Variants in GSN observed in about 807,000 individuals in gnomAD.
GSN encodes gelsolin.
In GSN, 56 loss-of-function variants were observed where a neutral mutation model predicts 85.7. That is an observed-to-expected ratio of 0.65 (90% CI 0.53 to 0.82). The LOEUF is 0.82. GSN is among the 40% of genes least tolerant of loss of function. GSN has a pLI of 0.00. For missense variants in GSN, 857 were observed against 979.8 expected (o/e 0.87, Z 1.67); for synonymous variants, 373 against 399.1 (o/e 0.93, Z 0.78).
upstream of GSN, among the ~76,000 whole-genome samples, chr9:121,206,416 TA>T (rs2053882372): frequency 6.6e-6 from 1 of 152,214 alleles, no homozygotes; most frequent in Admixed American, 6.5e-5. Flanking sequence ...AGATTCAACT[TA>T]TCACACTAAA....
intron 11 of GSN, among the ~76,000 whole-genome samples, chr9:121,323,839 C>G (rs1360899383): frequency 3.3e-5 from 5 of 152,138 alleles, no homozygotes; most frequent in Non-Finnish European, 2.9e-5. Flanking sequence ...GAATGTCTCT[C>G]AATTTGACAA....
intron 4 of GSN, among the ~76,000 whole-genome samples, chr9:121,214,813 C>T (rs2054030470): frequency 1.3e-5 from 2 of 152,152 alleles, no homozygotes; most frequent in South Asian, 2.1e-4. Context: ...GATGGATGAG[C>T]GATGCCATCT....
At chr9:121,265,649 A>T (rs1410181835), upstream of GSN, 1 of 152,180 alleles carries the variant, frequency 6.6e-6, no homozygotes, top group African/African-American at 2.4e-5. Flanking sequence ...TGTGGCCTTC[A>T]TTTCTCCCCA....
intron 4 of GSN, chr9:121,308,942 G>A (rs1006631359): frequency 1.3e-5 from 2 of 152,258 alleles, no homozygotes; most frequent in African/African-American, 4.8e-5. Flanking sequence ...TGCCCTCCTC[G>A]AGTCTGTGCG....
chr9:121,253,570 TATATG>T (rs1364950199), intron 6 of GSN, among the ~76,000 whole-genome samples: 4 of 152,170 alleles, frequency 2.6e-5, no homozygotes, highest in Non-Finnish European at 5.9e-5. Flanking sequence ...ATCTCGAAGT[TATATG>T]GTATGAGTGG....
intron 2 of GSN, among the ~76,000 whole-genome samples, chr9:121,291,618 C>T (rs1309231377): frequency 6.6e-6 from 1 of 152,014 alleles, no homozygotes; most frequent in Non-Finnish European, 1.5e-5. Context: ...TGGGGTTTCA[C>T]CATGTTAGCC....
chr9:121,252,801 G>A (rs4837824), intron 6 of GSN, among the ~76,000 whole-genome samples: 1 of 152,220 alleles, frequency 6.6e-6, no homozygotes, highest in East Asian at 1.9e-4. Context: ...TTTCGGGGGG[G>A]CAATTTGTTA....
intron 4 of GSN, among the ~76,000 whole-genome samples, chr9:121,230,203 T>C (rs61227079): frequency 2.3e-3 from 344 of 152,314 alleles, no homozygotes; most frequent in African/African-American, 8.0e-3. Context: ...GTACCAGATA[T>C]TCCAGGCTCA....
intron 4 of GSN, among the ~76,000 whole-genome samples, chr9:121,217,978 A>G (rs986939584): frequency 1.3e-5 from 2 of 152,038 alleles, no homozygotes; most frequent in African/African-American, 2.4e-5. Flanking sequence ...TCTCTTTTAC[A>G]TAAGTACGAT....
rs372449798 is a variant in GSN at position 121,303,625 on chromosome 9, C to G, written c.351+560C>G. On this transcript the variant is annotated intron_variant, in intron 4 of 17. Transcript: ENST00000432226. ...AACTGGGAGCTCCAAGAGGCTGCACCCTAATATGCTGGTGACTTCCTGCAA... is the reference window on the plus strand; with the variant it reads ...AACTGGGAGCTCCAAGAGGCTGCACGCTAATATGCTGGTGACTTCCTGCAA... Among the ~76,000 whole-genome samples, 5 of 152,056 alleles carry G rather than the reference C, an allele frequency of 3.3e-5. No individual in the cohort carries two copies. The East Asian group carries it at 7.7e-4, about 23-fold the overall frequency.
intron 7 of GSN, among the ~76,000 whole-genome samples, chr9:121,314,538 C>T (rs306759): frequency 0.83 from 126,248 of 152,200 alleles, 52,558 homozygotes; most frequent in East Asian, 0.99. Context: ...ATCACACTTA[C>T]GTTGTGCCCC....
At chr9:121,286,164 C>G (rs1564424582) in intron 2 of GSN, 4 of 1,535,082 alleles carry the variant, frequency 2.6e-6, no homozygotes, top group Non-Finnish European at 3.5e-6. Context: ...AAGAAGCCCT[C>G]AGGGGCAATT....
chr9:121,239,119 C>T, intron 5 of GSN: 1 of 355,644 alleles, frequency 2.8e-6, no homozygotes, highest in East Asian at 7.0e-5. Context: ...TTCTCCTCGA[C>T]CTGCATGTTC....
At chr9:121,254,760 T>C (rs1341098248) in intron 6 of GSN, among the ~76,000 whole-genome samples, 1 of 152,160 alleles carries the variant, frequency 6.6e-6, no homozygotes, top group East Asian at 1.9e-4. Flanking sequence ...GAATAGCTAA[T>C]ACATATATCT....
intron 5 of GSN, chr9:121,311,261 G>A (rs537141409): frequency 1.1e-5 from 3 of 277,132 alleles, no homozygotes; most frequent in East Asian, 1.9e-4. Flanking sequence ...AGTTGCACAT[G>A]CCCATGATCT....
chr9:121,260,481 C>T (rs558373959), intron 6 of GSN, among the ~76,000 whole-genome samples: 4 of 152,298 alleles, frequency 2.6e-5, no homozygotes, highest in South Asian at 4.1e-4. Flanking sequence ...TAAGAGCTAA[C>T]GTTTTGAAAG....
chr9:121,321,208 T>G, intron 10 of GSN, 60 bp from the exon 11 acceptor site: 1 of 1,600,296 alleles, frequency 6.2e-7, no homozygotes, highest in Non-Finnish European at 8.5e-7. Context: ...GTTTCCTGGC[T>G]TGCCTGAGCT....
chr9:121,331,682 C>A, intron 17 of GSN: 1 of 486,510 alleles, frequency 2.1e-6, no homozygotes, highest in South Asian at 3.1e-5. Flanking sequence ...CTCCTCTGTT[C>A]CAGGAGAAGG....
At chr9:121,214,575 T>C (rs913612744) in intron 4 of GSN, among the ~76,000 whole-genome samples, 8 of 152,216 alleles carry the variant, frequency 5.3e-5, no homozygotes, top group Non-Finnish European at 1.0e-4. Context: ...GGAATGACTG[T>C]TTCTAAGAAC....
Sources: gnomAD v4.1 joint callset for allele counts (sites outside exome capture counted in the v4.1 genomes callset) on GRCh38, gnomAD v4.1.1 for gene constraint, MANE v1.5 for transcripts, NCBI Gene and HGNC (gene_info 2026-07-23, HGNC 2026-07-21) for gene names.